The following GOLGA5 variants were observed in gnomAD, a reference collection of about 807,000 sequenced individuals.
GOLGA5 encodes golgin subfamily A member 5.
Under a neutral mutation model 93.5 loss-of-function variants are expected in GOLGA5, and 50 were observed. That is an observed-to-expected ratio of 0.53 (90% CI 0.43 to 0.68). GOLGA5 has a LOEUF of 0.68. Ranked by LOEUF, GOLGA5 falls within the 30% of genes least tolerant of loss-of-function variation. GOLGA5 has a pLI of 0.00. For missense variants in GOLGA5, 760 were observed against 856.4 expected (o/e 0.89, Z 1.40); for synonymous variants, 312 against 304.5 (o/e 1.02, Z -0.26).
chr14:92,832,801 C>A (rs1277434270), intron 9 of GOLGA5, among the ~76,000 whole-genome samples: 1 of 152,146 alleles, frequency 6.6e-6, no homozygotes, highest in Non-Finnish European at 1.5e-5. Flanking sequence ...CAGTTTACAT[C>A]GTGTCTCAGT....
intron 1 of GOLGA5, 71 bp downstream of exon 1, chr14:92,794,527 C>T (rs1436564735): frequency 1.3e-5 from 2 of 152,444 alleles, no homozygotes; most frequent in African/African-American, 4.8e-5. Flanking sequence ...GGCGCAGTCC[C>T]TTCAGTGGAG....
chr14:92,798,752 C>CA (rs1366919555), intron 2 of GOLGA5, among the ~76,000 whole-genome samples: 6 of 152,096 alleles, frequency 3.9e-5, no homozygotes, highest in Non-Finnish European at 5.9e-5. Flanking sequence ...TTTGTCTCTA[C>CA]AAAAAATACA....
chr14:92,824,663 A>C lies in GOLGA5; in HGVS notation c.1719+19A>C. On this transcript the variant is annotated intron_variant, in intron 9 of 12. Coordinates refer to ENST00000163416, the MANE Select transcript of GOLGA5 (RefSeq NM_005113.4). The stretch of plus-strand genomic sequence containing the variant: ...GAATCAGGTATGAATCACTATTCAC[A>C]ACTTGTGAAAAGATGCCACTGATAA... 1 of 1,281,154 alleles carries C rather than the reference A, an allele frequency of 7.8e-7. No homozygotes were observed. The highest frequency in any genetic ancestry group is 1.1e-6 in the Non-Finnish European group (1 of 888,910). The allele number at this position is 1,281,154 out of a possible 1,614,324, so 79.4% of individuals were successfully genotyped here.
intron 6 of GOLGA5, among the ~76,000 whole-genome samples, chr14:92,812,952 C>G (rs1885132533): frequency 6.6e-6 from 1 of 152,218 alleles, no homozygotes; most frequent in South Asian, 2.1e-4. Flanking sequence ...CTCCTGACCT[C>G]AGTGCCCAGC....
At position 92,810,334 on chromosome 14, in the gene GOLGA5, A is replaced by C; in HGVS notation, c.1073A>C (p.Asp358Ala). ...QTFQERLHEA[D>A]ATLKREQESY... ...TTTCAGGAGAGACTGCATGAAGCGG[A>C]TGCCACTCTGAAGAGAGAGCAGGAG... Residue 358 changes from aspartate to alanine, a missense_variant, in exon 5 of 13, where the codon GAT becomes GCT. Transcript: ENST00000163416. The C allele has an allele frequency of 6.2e-7, 1 of 1,609,776 alleles. No individual in the cohort carries two copies. The highest frequency in any genetic ancestry group is 8.5e-7 in the Non-Finnish European group (1 of 1,177,614).
Position 92,806,981 on chromosome 14 carries a change from T to G in GOLGA5, c.772+18T>G. The G allele has an allele frequency of 6.9e-7, 1 of 1,458,918 alleles. No individual in the cohort carries two copies. The highest frequency in any genetic ancestry group is 1.4e-5 in the African/African-American group (1 of 71,934). 90.4% of individuals were successfully genotyped at this position (1,458,918 alleles called of 1,614,324 possible). On this transcript the variant is annotated intron_variant, in intron 3 of 12. Coordinates refer to ENST00000163416, the MANE Select transcript of GOLGA5 (RefSeq NM_005113.4). The stretch of plus-strand genomic sequence containing the variant: ...TCAAGAAGGTAGAGGCTTAAATTGT[T>G]CAGGATTAGGAATTTAACTTTTAAA...
At chr14:92,829,425 A>G (rs916147043) in intron 9 of GOLGA5, among the ~76,000 whole-genome samples, 1 of 152,156 alleles carries the variant, frequency 6.6e-6, no homozygotes, top group African/African-American at 2.4e-5. Context: ...GAATATCAAC[A>G]TTAACAGGAG....
intron 11 of GOLGA5, among the ~76,000 whole-genome samples, chr14:92,836,082 A>G (rs1329744355): frequency 1.3e-5 from 2 of 152,082 alleles, no homozygotes; most frequent in African/African-American, 4.8e-5. Context: ...ATGCTACTAT[A>G]TATAGCTGAA....
intron 2 of GOLGA5, among the ~76,000 whole-genome samples, chr14:92,799,091 C>G (rs1410929774): frequency 6.6e-6 from 1 of 152,082 alleles, no homozygotes; most frequent in African/African-American, 2.4e-5. Flanking sequence ...CCTCAGCCTC[C>G]TGAGTAGCTG....
intron 6 of GOLGA5, among the ~76,000 whole-genome samples, chr14:92,814,591 T>G (rs1314175308): frequency 6.6e-6 from 1 of 152,270 alleles, no homozygotes; most frequent in East Asian, 1.9e-4. Flanking sequence ...TAAAATGTTA[T>G]AAATGATCAT....
chr14:92,822,195 C>G (rs1885329867), intron 8 of GOLGA5, among the ~76,000 whole-genome samples: 1 of 152,194 alleles, frequency 6.6e-6, no homozygotes, highest in African/African-American at 2.4e-5. Flanking sequence ...AATTACCTTT[C>G]TCATAATCTC....
intron 12 of GOLGA5, among the ~76,000 whole-genome samples, chr14:92,838,292 GAAAAGAAATTTCTTTA>G (rs906594001): frequency 2.0e-5 from 3 of 152,088 alleles, no homozygotes; most frequent in Non-Finnish European, 4.4e-5. Flanking sequence ...CTGTTTTCTT[GAAAAGAAATTTCTTTA>G]AAAAGAAATT....
intron 6 of GOLGA5, among the ~76,000 whole-genome samples, chr14:92,815,786 C>G (rs1295902961): frequency 1.4e-5 from 2 of 147,272 alleles, no homozygotes; most frequent in East Asian, 4.0e-4. Flanking sequence ...TCACTGCAAG[C>G]TCCGCCTCCC....
chr14:92,802,324 G>T (rs1884890604), intron 2 of GOLGA5, among the ~76,000 whole-genome samples: 1 of 151,894 alleles, frequency 6.6e-6, no homozygotes, highest in South Asian at 2.1e-4. Flanking sequence ...GTTATTGCTG[G>T]TGTATTTTTT....
intron 7 of GOLGA5, 101 bp from the exon 8 acceptor site, chr14:92,819,607 T>G: frequency 9.1e-7 from 1 of 1,100,424 alleles, no homozygotes; most frequent in South Asian, 1.3e-5. Context: ...CACTCCAGCC[T>G]GGGTGACGTG....
At chr14:92,803,335 T>G (rs1884914569) in intron 2 of GOLGA5, among the ~76,000 whole-genome samples, 1 of 152,216 alleles carries the variant, frequency 6.6e-6, no homozygotes. Flanking sequence ...ACACCTAACC[T>G]TTTGCATTTA....
At chr14:92,810,122 G>T in intron 4 of GOLGA5, 132 bp from the exon 5 acceptor site, 1 of 617,394 alleles carries the variant, frequency 1.6e-6, no homozygotes, top group Non-Finnish European at 2.8e-6. Flanking sequence ...AGAAAGGAAA[G>T]ATTTATCTAA....
intron 7 of GOLGA5, among the ~76,000 whole-genome samples, chr14:92,818,567 A>G (rs1353640844): frequency 6.6e-6 from 1 of 152,008 alleles, no homozygotes; most frequent in Non-Finnish European, 1.5e-5. Flanking sequence ...TAACCTGAAA[A>G]CTCAAAGGTA....
chr14:92,829,988 T>A (rs951979195), intron 9 of GOLGA5, among the ~76,000 whole-genome samples: 5 of 152,112 alleles, frequency 3.3e-5, no homozygotes, highest in African/African-American at 1.2e-4. Flanking sequence ...AGATTAGGAC[T>A]CACTGAAGGC....
Sources: gnomAD v4.1 joint callset for allele counts (sites outside exome capture counted in the v4.1 genomes callset) on GRCh38, gnomAD v4.1.1 for gene constraint, MANE v1.5 for transcripts, NCBI Gene and HGNC (gene_info 2026-07-23, HGNC 2026-07-21) for gene names.